Variants in FGF13 observed in about 807,000 individuals in gnomAD.
FGF13 encodes the protein fibroblast growth factor 13.
FGF13 carries 2 observed loss-of-function variants against 19.5 expected under a neutral mutation model. The ratio of observed to expected loss-of-function variants is 0.10; its 90% CI spans 0.04 to 0.32. The LOEUF is 0.32. Among genes scored for constraint, FGF13 ranks in the 10% least tolerant of loss-of-function variants. FGF13 has a pLI of 1.00. For missense variants in FGF13, 113 were observed against 192.7 expected, an observed-to-expected ratio of 0.59 and a Z score of 2.45; for synonymous variants, 72 against 76.9, an observed-to-expected ratio of 0.94 and a Z score of 0.33.
chrX:138,925,065 A>C (rs2091665882), intron 1 of FGF13, among the ~76,000 whole-genome samples: 2 of 111,584 alleles, frequency 1.8e-5, no homozygotes, highest in Non-Finnish European at 3.8e-5. Context: ...TGTTAGTTTG[A>C]AGAATATGTG....
chrX:138,948,784 G>C (rs1484391237), intron 1 of FGF13, among the ~76,000 whole-genome samples: 2 of 111,800 alleles, frequency 1.8e-5, no homozygotes, highest in East Asian at 2.8e-4. Context: ...AACAATACTT[G>C]TCTCTACCCT....
chrX:138,796,236 G>T (rs922921587), intron 3 of FGF13, among the ~76,000 whole-genome samples: 1 of 110,276 alleles, frequency 9.1e-6, no homozygotes, highest in Admixed American at 9.7e-5. Context: ...CCCACCCGCC[G>T]ATAGGCCCGG....
At chrX:138,909,835 T>A (rs766216447) in intron 1 of FGF13, among the ~76,000 whole-genome samples, 1 of 112,058 alleles carries the variant, frequency 8.9e-6, no homozygotes, top group South Asian at 3.8e-4. Context: ...AAAAACATTA[T>A]CTGAATATGT....
intron 1 of FGF13, among the ~76,000 whole-genome samples, chrX:139,065,500 A>C (rs1393112395): frequency 9.5e-6 from 1 of 105,478 alleles, no homozygotes; most frequent in Non-Finnish European, 1.9e-5. Context: ...AAAAAAGAAA[A>C]AGAAAAAAGA....
At chrX:139,153,970 C>G (rs2083956639) in intron 1 of FGF13, among the ~76,000 whole-genome samples, 1 of 111,712 alleles carries the variant, frequency 9.0e-6, no homozygotes, top group East Asian at 2.8e-4. Context: ...CCTACTAATA[C>G]TTGGATTTCA....
chrX:139,183,870 C>G (rs1400792780), intron 1 of FGF13, among the ~76,000 whole-genome samples: 1 of 111,648 alleles, frequency 9.0e-6, no homozygotes, highest in Non-Finnish European at 1.9e-5. Flanking sequence ...ATGACTTTGA[C>G]TCACATACTA....
chrX:139,131,594 G>T (rs1328165618), intron 1 of FGF13, among the ~76,000 whole-genome samples: 1 of 110,911 alleles, frequency 9.0e-6, no homozygotes, highest in Admixed American at 9.6e-5. Flanking sequence ...AAAATTAGCT[G>T]AGCATGGTGG....
intron 1 of FGF13, among the ~76,000 whole-genome samples, chrX:139,025,983 A>G (rs1244857782): frequency 2.7e-5 from 3 of 110,535 alleles, no homozygotes. Flanking sequence ...TCCTGGTTCT[A>G]TTTGCACCTC....
At chrX:139,170,957 T>C (rs1238312170) in intron 1 of FGF13, among the ~76,000 whole-genome samples, 1 of 111,724 alleles carries the variant, frequency 9.0e-6, no homozygotes, top group Non-Finnish European at 1.9e-5. Flanking sequence ...TTCTCAACTA[T>C]GTGACAGCTG....
At chrX:138,698,815 T>C (rs1212820791) in intron 3 of FGF13, among the ~76,000 whole-genome samples, 2 of 111,782 alleles carry the variant, frequency 1.8e-5, no homozygotes, top group African/African-American at 6.5e-5. Context: ...ACAAGTTATT[T>C]AGTAAATAAT....
downstream of FGF13, among the ~76,000 whole-genome samples, chrX:138,856,297 G>A (rs1043357218): frequency 3.6e-5 from 4 of 111,169 alleles, no homozygotes; most frequent in Non-Finnish European, 5.7e-5. Flanking sequence ...ATACATGTAG[G>A]CTTCTCATTT....
rs1032017234 is a variant in FGF13 at position 139,162,712 on chromosome X, C to T, written c.-113+40704G>A. The stretch of plus-strand genomic sequence containing the variant: ...ATTTACAAGATAAAAACAAACAACT[C>T]CATCAAAAAGTGGGCAAAAGATATG... On this transcript the variant is annotated intron_variant, in intron 1 of 2. Coordinates refer to the FGF13 transcript ENST00000421460. Among the ~76,000 whole-genome samples, 4 of 111,946 alleles carry T rather than the reference C, an allele frequency of 3.6e-5. No homozygotes were observed. The Admixed American group carries it at 3.8e-4, about 11-fold the overall frequency.
At chrX:138,764,724 T>C (rs1602806787) in intron 3 of FGF13, among the ~76,000 whole-genome samples, 1 of 112,319 alleles carries the variant, frequency 8.9e-6, no homozygotes, top group South Asian at 3.7e-4. Context: ...AAATATTAAG[T>C]ACTTACTGTC....
At chrX:138,934,332 G>T (rs1202857494) in intron 1 of FGF13, among the ~76,000 whole-genome samples, 1 of 112,059 alleles carries the variant, frequency 8.9e-6, no homozygotes, top group Non-Finnish European at 1.9e-5. Context: ...AGATGAGGAT[G>T]CCTTCTCCTT....
At chrX:139,097,679 A>C (rs980332246) in intron 1 of FGF13, among the ~76,000 whole-genome samples, 13 of 112,368 alleles carry the variant, frequency 1.2e-4, no homozygotes, top group African/African-American at 4.2e-4. Context: ...GTAGTATTCC[A>C]TTTAAAAGTC....
intron 1 of FGF13, among the ~76,000 whole-genome samples, chrX:138,969,907 G>A (rs1424883585): frequency 2.7e-5 from 3 of 111,817 alleles, no homozygotes. Flanking sequence ...TAATAGCTGT[G>A]CATGAAAATG....
chrX:138,723,899 A>T (rs2090166302), intron 1 of FGF13, among the ~76,000 whole-genome samples: 1 of 111,191 alleles, frequency 9.0e-6, no homozygotes, highest in African/African-American at 3.3e-5. Flanking sequence ...TATTTCTTTC[A>T]TTTTCACAAC....
intron 1 of FGF13, among the ~76,000 whole-genome samples, chrX:138,984,831 T>TGTGTGTG (rs2091988181): frequency 1.4e-5 from 1 of 69,086 alleles, no homozygotes; most frequent in Non-Finnish European, 3.2e-5. Context: ...TGTGTGTGTG[T>TGTGTGTG]GTGTGTGTGT....
chrX:138,869,646 T>G (rs1050780327), intron 1 of FGF13, among the ~76,000 whole-genome samples: 1 of 112,346 alleles, frequency 8.9e-6, no homozygotes, highest in African/African-American at 3.2e-5. Context: ...TCTCTACCTA[T>G]TTGCTGTGGA....
Sources: allele counts gnomAD v4.1 joint callset (sites outside exome capture counted in the v4.1 genomes callset), GRCh38; gene constraint gnomAD v4.1.1; transcripts MANE v1.5; gene names NCBI Gene and HGNC (gene_info 2026-07-23, HGNC 2026-07-21).